BOP1: variants seen among roughly 807,000 people sequenced by gnomAD.
BOP1 encodes the protein BOP1 ribosomal biogenesis factor, also known as ribosome biogenesis protein BOP1.
In BOP1, 54 loss-of-function variants were observed where a neutral mutation model predicts 82.9. That is an observed-to-expected ratio of 0.65 (90% CI 0.52 to 0.82). BOP1 has a LOEUF of 0.82. Ranked by LOEUF, BOP1 falls within the 40% of genes least tolerant of loss-of-function variation. BOP1 has a pLI of 0.00. For synonymous variants in BOP1, 566 were observed against 451.1 expected, an observed-to-expected ratio of 1.25 and a Z score of -3.23; for missense variants, 1,170 against 1,072.0, an observed-to-expected ratio of 1.09 and a Z score of -1.28.
chr8:144,267,242 C>T, intron 3 of BOP1: 3 of 1,450,452 alleles, frequency 2.1e-6, no homozygotes, highest in South Asian at 1.4e-5. Flanking sequence ...CCACACCTGC[C>T]AGGCAGAGGA....
intron 2 of BOP1, among the ~76,000 whole-genome samples, chr8:144,288,565 GT>G (rs1814948329): frequency 1.3e-5 from 2 of 152,174 alleles, no homozygotes; most frequent in Admixed American, 6.5e-5. Context: ...CAAATGCTGT[GT>G]TTTAGTTAAA....
chr8:144,285,363 G>A (rs1814834833), intron 2 of BOP1, among the ~76,000 whole-genome samples: 1 of 152,028 alleles, frequency 6.6e-6, no homozygotes. Flanking sequence ...TCCTTCAGAT[G>A]CACGAGGCAG....
Position 144,263,733 on chromosome 8 carries a change from C to T in BOP1, c.1250G>A (p.Arg417Gln), listed in dbSNP as rs958454548. Residue 417 changes from arginine (R) to glutamine (Q), a missense_variant, in exon 10 of 16, where the codon CGG becomes CAG. Transcript: ENST00000569669. ...GCCCCCAGGAGAGACACTGAGGCACCGGACAAGGTCACTGTGGCCCCTGTA... is the reference window on the plus strand; with the variant it reads ...GCCCCCAGGAGAGACACTGAGGCACTGGACAAGGTCACTGTGGCCCCTGTA... ...LVYRGHSDLV[R>Q]CLSVSPGGQW... The T allele has an allele frequency of 9.2e-4, 1,457 of 1,577,086 alleles. 2 individuals carry two copies. Among genetic ancestry groups the T allele is most frequent in the Admixed American group, 1.1e-3 (62 of 53,944 alleles).
At chr8:144,289,074 G>A in intron 2 of BOP1, 21 bp downstream of exon 2, 1 of 1,613,536 alleles carries the variant, frequency 6.2e-7, no homozygotes, top group Non-Finnish European at 8.5e-7. Context: ...CAGCCCTCGA[G>A]GGGGCTCCTC....
chr8:144,267,532 T>C (rs1845404159), intron 3 of BOP1, among the ~76,000 whole-genome samples: 2 of 152,196 alleles, frequency 1.3e-5, no homozygotes, highest in Non-Finnish European at 1.5e-5. Flanking sequence ...TGAAAACAGC[T>C]GAGTTCAGAA....
At chr8:144,278,276 G>A (rs1845606023) in intron 2 of BOP1, among the ~76,000 whole-genome samples, 1 of 152,238 alleles carries the variant, frequency 6.6e-6, no homozygotes. Context: ...CTGGGGCCAA[G>A]GAAAGGCTGC....
intron 2 of BOP1, among the ~76,000 whole-genome samples, chr8:144,279,683 C>A (rs587747871): frequency 4.6e-5 from 7 of 152,286 alleles, no homozygotes; most frequent in Admixed American, 3.3e-4. Context: ...ATGTCCCCCC[C>A]GCCGCAAATC....
chr8:144,263,621 CAG>C lies in BOP1; in HGVS notation c.1292-13_1292-12del, dbSNP rs1845287404. 17 of 1,608,698 alleles carry C rather than the reference CAG, an allele frequency of 1.1e-5. No homozygotes were observed. The South Asian group carries it at 1.2e-4, about 11-fold the overall frequency. On this transcript the variant is annotated splice_polypyrimidine_tract_variant and intron_variant, in intron 10 of 15. Transcript: ENST00000569669. Reference sequence around the variant, plus strand: ...AGCCGTCGTCAGAGCCTGGATGCGGCAGAGACAGCTCTCAACACCTGGCCATC... The same window carrying C: ...AGCCGTCGTCAGAGCCTGGATGCGGCAGACAGCTCTCAACACCTGGCCATC...
chr8:144,279,088 AAGGGC>A (rs1845628103), intron 2 of BOP1, among the ~76,000 whole-genome samples: 7 of 40,498 alleles, frequency 1.7e-4, no homozygotes, highest in Non-Finnish European at 3.1e-4. Flanking sequence ...CATGACCACC[AAGGGC>A]CATGACCGTC....
intron 2 of BOP1, among the ~76,000 whole-genome samples, chr8:144,288,464 G>C (rs1467385523): frequency 1.0e-4 from 6 of 59,214 alleles, no homozygotes; most frequent in African/African-American, 1.8e-4. Context: ...GGGGATGGAG[G>C]TTGCAGTGAG....
rs184180023 is a variant in BOP1, at chr8:144,287,246, G to A, written c.309+1849C>T. Reference sequence around the variant, plus strand: ...GCTGGTCTTGAACTCCTGAGCTCAGGTGATCCATCCACCTTAGCCTCCCAA... The same window carrying A: ...GCTGGTCTTGAACTCCTGAGCTCAGATGATCCATCCACCTTAGCCTCCCAA... On this transcript the variant is annotated intron_variant, in intron 2 of 15. Coordinates refer to ENST00000569669, the MANE Select transcript of BOP1 (RefSeq NM_015201.5). Among the ~76,000 whole-genome samples, 192 of 152,332 alleles carry A rather than the reference G, an allele frequency of 1.3e-3. 1 individual carries two copies. The highest frequency in any genetic ancestry group is 4.4e-3 in the African/African-American group (184 of 41,582).
intron 3 of BOP1, chr8:144,267,076 G>C: frequency 7.1e-7 from 1 of 1,404,534 alleles, no homozygotes; most frequent in East Asian, 3.1e-5. Flanking sequence ...CGCGGCGCGC[G>C]CCGGCAGCCC....
intron 2 of BOP1, among the ~76,000 whole-genome samples, chr8:144,281,107 G>A (rs1225597275): frequency 6.7e-6 from 1 of 148,394 alleles, no homozygotes. Flanking sequence ...CCAGGTCTTC[G>A]GCCTTCTCTC....
chr8:144,266,928 G>A, intron 3 of BOP1: 2 of 1,557,412 alleles, frequency 1.3e-6, no homozygotes, highest in Admixed American at 1.7e-5. Flanking sequence ...TCCCCACCGA[G>A]CCCGCCGACC....
chr8:144,268,907 G>A (rs1554837500), intron 3 of BOP1, among the ~76,000 whole-genome samples: 1 of 152,106 alleles, frequency 6.6e-6, no homozygotes, highest in Non-Finnish European at 1.5e-5. Context: ...CGCTGCAGGT[G>A]GCCACAAGGA....
intron 3 of BOP1, among the ~76,000 whole-genome samples, chr8:144,267,491 G>A (rs967283549): frequency 6.6e-6 from 1 of 152,382 alleles, no homozygotes; most frequent in East Asian, 1.9e-4. Context: ...GCCGCTGCAA[G>A]CTTCCCTTTT....
intron 3 of BOP1, chr8:144,265,918 A>G (rs1845350988): frequency 6.6e-6 from 1 of 152,164 alleles, no homozygotes; most frequent in African/African-American, 2.4e-5. Flanking sequence ...AGGTCCACAC[A>G]GCACAAGAAC....
intron 3 of BOP1, among the ~76,000 whole-genome samples, chr8:144,270,346 G>T (rs1009325100): frequency 2.0e-5 from 3 of 152,158 alleles, no homozygotes; most frequent in African/African-American, 7.2e-5. Context: ...AGAGTTTGGG[G>T]TGTCTAACGA....
chr8:144,268,289 G>C, intron 3 of BOP1: 1 of 1,214,458 alleles, frequency 8.2e-7, no homozygotes. Context: ...GAGCGGGGCC[G>C]AGGGACAGAC....
Sources: allele counts gnomAD v4.1 joint callset (sites outside exome capture counted in the v4.1 genomes callset), GRCh38; gene constraint gnomAD v4.1.1; transcripts MANE v1.5; gene names NCBI Gene and HGNC (gene_info 2026-07-23, HGNC 2026-07-21).